The following CRACDL variants were observed in gnomAD, a reference collection of about 807,000 sequenced individuals.
CRACDL encodes the protein CRACD-like protein.
A neutral mutation model predicts 70.6 loss-of-function variants in CRACDL; 26 were observed. That is an observed-to-expected ratio of 0.37 (90% CI 0.27 to 0.51). CRACDL has a LOEUF of 0.51. Among genes scored for constraint, CRACDL ranks in the 20% least tolerant of loss-of-function variants. The pLI is 0.94. For synonymous variants in CRACDL, 618 were observed against 615.2 expected, an observed-to-expected ratio of 1.00 and a Z score of -0.07; for missense variants, 1,283 against 1,376.9, an observed-to-expected ratio of 0.93 and a Z score of 1.08.
intron 1 of CRACDL, among the ~76,000 whole-genome samples, chr2:98,885,707 A>C (rs1707781705): frequency 1.3e-5 from 2 of 152,210 alleles, no homozygotes; most frequent in South Asian, 4.1e-4. Flanking sequence ...AATGGAACTG[A>C]GATTGACAGG....
At chr2:98,885,378 T>C (rs1707773625) in intron 1 of CRACDL, among the ~76,000 whole-genome samples, 1 of 152,206 alleles carries the variant, frequency 6.6e-6, no homozygotes, top group South Asian at 2.1e-4. Flanking sequence ...TGGGAAAAGC[T>C]ACTGCATTTT....
intron 7 of CRACDL, among the ~76,000 whole-genome samples, chr2:98,821,371 C>G (rs756744773): frequency 6.6e-6 from 1 of 152,096 alleles, no homozygotes; most frequent in Non-Finnish European, 1.5e-5. Context: ...GTTTGTAGAA[C>G]GACGTCTCAC....
At chr2:98,906,839 C>T (rs1558634004) in intron 1 of CRACDL, among the ~76,000 whole-genome samples, 1 of 152,128 alleles carries the variant, frequency 6.6e-6, no homozygotes, top group Non-Finnish European at 1.5e-5. Context: ...ACTGGCATAG[C>T]ATCTGGATCC....
At chr2:98,842,893 T>C (rs915023652) in intron 2 of CRACDL, among the ~76,000 whole-genome samples, 3 of 152,178 alleles carry the variant, frequency 2.0e-5, no homozygotes, top group Non-Finnish European at 2.9e-5. Context: ...TGTGTGTGTG[T>C]GTGTGTGTGT....
intron 1 of CRACDL, among the ~76,000 whole-genome samples, chr2:98,921,992 G>A (rs975937209): frequency 3.9e-5 from 6 of 152,258 alleles, no homozygotes; most frequent in East Asian, 1.9e-4. Flanking sequence ...CATATTTTCC[G>A]ATTGTGTCAG....
rs746942364 is a variant in CRACDL at position 98,796,237 on chromosome 2, G to A, written c.2632C>T (p.Arg878Cys). The A allele has an allele frequency of 3.1e-6, 5 of 1,614,132 alleles. No homozygotes were observed. The highest frequency in any genetic ancestry group is 4.2e-6 in the Non-Finnish European group (5 of 1,179,976). ...QEPVKQADFVRSKSFLITPVK... is the reference protein window; with the variant it reads ...QEPVKQADFVCSKSFLITPVK... ...GGGGTTATCAGGAAAGACTTGCTGC[G>A]AACAAAGTCAGCTTGCTTCACAGGC... Residue 878 changes from arginine (R) to cysteine (C), a missense_variant, in exon 9 of 10, where the codon CGC becomes TGC. Physicochemically the swap from Arg to Cys is radical, Grantham distance 180. Around this residue, in one of 2 missense-constraint regions of CRACDL, gnomAD observed 921 missense variants for 881.9 expected, o/e 1.04. Transcript: ENST00000397899.
chr2:98,858,512 CAAA>C (rs370742460), intron 1 of CRACDL, among the ~76,000 whole-genome samples: 1 of 56,262 alleles, frequency 1.8e-5, no homozygotes, highest in Non-Finnish European at 4.1e-5. Flanking sequence ...GAGACTCTGT[CAAA>C]AAAAAAAAAA....
At position 98,822,980 on chromosome 2, in the gene CRACDL, T is replaced by C; in HGVS notation, c.1293A>G (p.Pro431=). 2 of 1,489,238 alleles carry C rather than the reference T, an allele frequency of 1.3e-6. No homozygotes were observed. The highest frequency in any genetic ancestry group is 1.8e-6 in the Non-Finnish European group (2 of 1,120,188). The allele number at this position is 1,489,238 out of a possible 1,614,324, so 92.3% of individuals were successfully genotyped here. The change falls in exon 7 of 10, where the codon CCA becomes CCG. Residue 431 remains proline (P), a synonymous_variant. Transcript: ENST00000397899. This position sits in a 1 kb window ranked among gnomAD's most constrained non-coding sequence, Gnocchi z 4.9. The part of the protein sequence containing the change: ...TSEAPSARDG[P]ERSVPKEAEP... ...CCGCTTCCTTCGGGACACTGCGTTC[T>C]GGCCCGTCGCGAGCAGAGGGCGCCT...
chr2:98,908,307 A>G, intron 1 of CRACDL: 1 of 152,210 alleles, frequency 6.6e-6, no homozygotes. Flanking sequence ...CAATTCCAAA[A>G]TCTCAGCTGT....
chr2:98,809,001 G>GT (rs1184619066), intron 7 of CRACDL, among the ~76,000 whole-genome samples: 1 of 152,180 alleles, frequency 6.6e-6, no homozygotes, highest in Non-Finnish European at 1.5e-5. Context: ...GTCTCCCATG[G>GT]TCCCCCATCC....
intron 7 of CRACDL, among the ~76,000 whole-genome samples, chr2:98,817,670 A>T (rs1704839800): frequency 6.6e-6 from 1 of 152,200 alleles, no homozygotes; most frequent in Non-Finnish European, 1.5e-5. Context: ...TGGGGCCAAG[A>T]AAGAGCTTGC....
At position 98,846,789 on chromosome 2, in the gene CRACDL, T is replaced by C. The variant is rs1559231114; in HGVS notation, c.12A>G (p.Thr4=). ...CCCGAAGCTTAATGTCCATCACCCT[T>C]GTGGAAATCATGTCAAGCTCGCTGA... The part of the protein sequence containing the change: MIS[T]RVMDIKLREA... Residue 4 remains threonine (T), a synonymous_variant, in exon 2 of 10, where the codon ACA becomes ACG. Transcript: ENST00000397899. 2 of 1,614,018 alleles carry C rather than the reference T, an allele frequency of 1.2e-6. No individual in the cohort carries two copies.
intron 1 of CRACDL, among the ~76,000 whole-genome samples, chr2:98,904,507 G>C (rs1708357074): frequency 6.6e-6 from 1 of 152,310 alleles, no homozygotes; most frequent in Admixed American, 6.5e-5. Flanking sequence ...CATCTGAGCA[G>C]ATGAAGACGT....
intron 1 of CRACDL, among the ~76,000 whole-genome samples, chr2:98,916,693 A>AT (rs1322250616): frequency 3.3e-5 from 5 of 151,686 alleles, no homozygotes; most frequent in Admixed American, 6.6e-5. Context: ...ATTATCCTGA[A>AT]TTTTTTTTCT....
chr2:98,889,137 G>A (rs1250554315), intron 1 of CRACDL, among the ~76,000 whole-genome samples: 5 of 147,790 alleles, frequency 3.4e-5, no homozygotes, highest in African/African-American at 1.2e-4. Context: ...AAAAAAAAGG[G>A]GGGGGAAGAA....
rs544879881 is a variant in CRACDL at position 98,803,296 on chromosome 2, G to A, written c.2417-5759C>T. Reference sequence around the variant, plus strand: ...ATTACAGGCATGAGCCACTGTGCCCGGCCATGACTAGCTAATTTTTTTCTA... The same window carrying A: ...ATTACAGGCATGAGCCACTGTGCCCAGCCATGACTAGCTAATTTTTTTCTA... On this transcript the variant is annotated intron_variant, in intron 7 of 9. Transcript: ENST00000397899. 1.6e-3 allele frequency among the ~76,000 whole-genome samples: 243 copies of A among 152,120 alleles called. 2 individuals carry two copies. Among genetic ancestry groups the A allele is most frequent in the African/African-American group, 5.6e-3 (234 of 41,496 alleles).
chr2:98,844,135 GA>G (rs1384456037), intron 2 of CRACDL, among the ~76,000 whole-genome samples: 2 of 152,238 alleles, frequency 1.3e-5, no homozygotes, highest in East Asian at 3.9e-4. Context: ...GACTTTTAAA[GA>G]GTGCACTGCA....
rs1170297822 is a variant in CRACDL, at chr2:98,798,961, G to C, written c.2417-1424C>G. On this transcript the variant is annotated intron_variant, in intron 7 of 9. Coordinates refer to ENST00000397899, the MANE Select transcript of CRACDL (RefSeq NM_207362.3). ...AGCTTCCCAAAGTGCTGCAATTACA[G>C]GCGTGAGCCACCTCCCCTGGCCAAT... Among the ~76,000 whole-genome samples, 5 of 152,286 alleles carry C rather than the reference G, an allele frequency of 3.3e-5. No individual in the cohort carries two copies. The South Asian group carries it at 1.0e-3, about 32-fold the overall frequency.
At chr2:98,880,284 A>C (rs965204621) in intron 1 of CRACDL, among the ~76,000 whole-genome samples, 1 of 152,198 alleles carries the variant, frequency 6.6e-6, no homozygotes, top group African/African-American at 2.4e-5. Flanking sequence ...CCTGTGAACG[A>C]ACAAGGACAT....
Sources: allele counts gnomAD v4.1 joint callset (sites outside exome capture counted in the v4.1 genomes callset), GRCh38; gene constraint gnomAD v4.1.1; regional missense constraint gnomAD v4.1.1; non-coding constraint Gnocchi (gnomAD v3.1); transcripts MANE v1.5; gene names NCBI Gene and HGNC (gene_info 2026-07-23, HGNC 2026-07-21).